The following RYR2 variants were observed in gnomAD, a reference collection of about 807,000 sequenced individuals.
RYR2 encodes the protein cardiac muscle ryanodine receptor-calcium release channel.
In RYR2, 227 loss-of-function variants were observed where a neutral mutation model predicts 601.1. That is an observed-to-expected ratio of 0.38 (90% confidence interval 0.34 to 0.42). RYR2 has a LOEUF of 0.42. RYR2 is among the 10% of genes least tolerant of loss of function. RYR2 has a pLI of 1.00. For missense variants in RYR2, 4,646 were observed against 6,156.5 expected, an observed-to-expected ratio of 0.75 and a Z score of 8.21; for synonymous variants, 2,223 against 2,175.1, an observed-to-expected ratio of 1.02 and a Z score of -0.61.
At chr1:237,514,856 A>T (rs943861320) in intron 24 of RYR2, among the ~76,000 whole-genome samples, 3 of 152,222 alleles carry the variant, frequency 2.0e-5, no homozygotes, top group Non-Finnish European at 2.9e-5. Flanking sequence ...TAAAGGCTTT[A>T]ACACCATATG....
intron 1 of RYR2, among the ~76,000 whole-genome samples, chr1:237,255,710 G>A (rs1284076291): frequency 1.3e-5 from 2 of 152,098 alleles, no homozygotes; most frequent in Non-Finnish European, 2.9e-5. Context: ...GATTTTCCAT[G>A]TGATCATATG....
Position 237,634,975 on chromosome 1 carries a change from G to T in RYR2, c.6775G>T (p.Glu2259Ter). The T allele has an allele frequency of 6.3e-7, 1 of 1,598,008 alleles. No individual in the cohort carries two copies. The highest frequency in any genetic ancestry group is 8.5e-7 in the Non-Finnish European group (1 of 1,171,540). The change falls in exon 44 of 105, where the codon GAG (glutamate) becomes TAG (stop). Residue 2259 changes from glutamate to a stop codon, truncating the protein, a stop_gained. Transcript: ENST00000366574. LOFTEE classifies it high-confidence loss of function. ...DNNELALALR[E>*]PDLEKVVRYL... Reference sequence around the variant, plus strand: ...TAATGAACTAGCATTAGCTCTGCGTGAGCCGGATCTAGAAAAGGTGAGCAA... The same window carrying T: ...TAATGAACTAGCATTAGCTCTGCGTTAGCCGGATCTAGAAAAGGTGAGCAA...
intron 17 of RYR2, among the ~76,000 whole-genome samples, chr1:237,478,580 G>A (rs1385448861): frequency 2.0e-5 from 3 of 152,196 alleles, no homozygotes; most frequent in Non-Finnish European, 4.4e-5. Flanking sequence ...AGATGGAAAC[G>A]CATAATAATA....
intron 48 of RYR2, among the ~76,000 whole-genome samples, chr1:237,644,520 C>T (rs532275446): frequency 1.1e-4 from 17 of 152,306 alleles, no homozygotes; most frequent in Admixed American, 1.0e-3. Flanking sequence ...GCATGAGGCA[C>T]TGCTCCTAGC....
intron 1 of RYR2, among the ~76,000 whole-genome samples, chr1:237,131,382 T>A (rs147428279): frequency 6.6e-6 from 1 of 152,156 alleles, no homozygotes; most frequent in African/African-American, 2.4e-5. Flanking sequence ...TAAAACATCA[T>A]GAGATAAACA....
intron 2 of RYR2, among the ~76,000 whole-genome samples, chr1:237,312,266 C>T (rs1468455714): frequency 6.6e-6 from 1 of 152,190 alleles, no homozygotes; most frequent in Non-Finnish European, 1.5e-5. Context: ...ACAAAACTAG[C>T]TCCTTCCGTG....
intron 1 of RYR2, among the ~76,000 whole-genome samples, chr1:237,094,681 T>C (rs1667327160): frequency 6.6e-6 from 1 of 152,180 alleles, no homozygotes; most frequent in African/African-American, 2.4e-5. Context: ...AAGCTCCACC[T>C]CCTGGGTTCA....
In RYR2 at chr1:237,314,169, A is replaced by G. The variant is rs559235700; in HGVS notation, c.169-16709A>G. ...AAGCTCCACCTCCAGGGTTCACACC[A>G]TTCTCCTGCCTCAGCCTCCCGAGTA... On this transcript the variant is annotated intron_variant, in intron 2 of 104. Transcript: ENST00000366574. Among the ~76,000 whole-genome samples the G allele has an allele frequency of 1.5e-4, 22 of 145,120 alleles. 1 individual carries two copies. In the East Asian group the frequency reaches 4.6e-3, roughly 30 times the overall value.
chr1:237,481,100 A>ATATATATATATGTATATATATATATATG (rs1286686565), intron 17 of RYR2, among the ~76,000 whole-genome samples: 1 of 118,816 alleles, frequency 8.4e-6, no homozygotes, highest in East Asian at 2.1e-4. Flanking sequence ...TTTTAAGTGT[A>ATATATATATATGTATATATATATATATG]TATATACATA....
intron 1 of RYR2, among the ~76,000 whole-genome samples, chr1:237,231,390 G>T (rs1397331321): frequency 6.6e-6 from 1 of 150,756 alleles, no homozygotes; most frequent in Non-Finnish European, 1.5e-5. Context: ...TGAATTCCTG[G>T]GCTTAAGCGA....
chr1:237,171,321 T>C (rs1035699300), intron 1 of RYR2, among the ~76,000 whole-genome samples: 1 of 152,112 alleles, frequency 6.6e-6, no homozygotes, highest in East Asian at 1.9e-4. Context: ...CCTTTTGACA[T>C]GTAGTAGTTG....
rs764084155 is a variant in RYR2, at chr1:237,709,526, C to T, written c.10189C>T (p.Arg3397Cys). The change falls in exon 70 of 105, where the codon CGC becomes TGC. Residue 3397 changes from arginine to cysteine, a missense_variant. By Grantham distance (180) the Arg-to-Cys change is radical. Transcript: ENST00000366574. Reference sequence around the variant, plus strand: ...TAACCCAGAAGCAGAGGAGCTCTTCCGCATGGTGGCTGAAGTGTTTATCTA... The same window carrying T: ...TAACCCAGAAGCAGAGGAGCTCTTCTGCATGGTGGCTGAAGTGTTTATCTA... ...EPNPEAEELF[R>C]MVAEVFIYWS... 9.9e-6 allele frequency: 16 copies of T among 1,611,738 alleles called. No individual in the cohort carries two copies. The highest frequency in any genetic ancestry group is 4.4e-5 in the South Asian group (4 of 90,558).
intron 1 of RYR2, among the ~76,000 whole-genome samples, chr1:237,232,876 T>G (rs1459026816): frequency 6.6e-6 from 1 of 152,114 alleles, no homozygotes; most frequent in African/African-American, 2.4e-5. Context: ...TAATGATTTG[T>G]GTGGTATCAG....
At chr1:237,595,882 A>T (rs568563228) in intron 34 of RYR2, among the ~76,000 whole-genome samples, 1 of 152,254 alleles carries the variant, frequency 6.6e-6, no homozygotes, top group South Asian at 2.1e-4. Flanking sequence ...ACAAAGCTGC[A>T]CAATCACCAC....
At chr1:237,058,170 T>C (rs2148214434) in intron 1 of RYR2, among the ~76,000 whole-genome samples, 1 of 152,318 alleles carries the variant, frequency 6.6e-6, no homozygotes, top group Middle Eastern at 3.4e-3. Context: ...TTATGTATAC[T>C]ATTAAGCAAA....
At chr1:237,107,519 C>CAAGAAAAAAAAA (rs766157271) in intron 1 of RYR2, among the ~76,000 whole-genome samples, 1 of 38,900 alleles carries the variant, frequency 2.6e-5, no homozygotes, top group Non-Finnish European at 5.2e-5. Flanking sequence ...GACTCCATCT[C>CAAGAAAAAAAAA]AAAAAAAAAA....
Position 237,312,916 on chromosome 1 carries a change from C to T in RYR2, c.169-17962C>T, listed in dbSNP as rs12089157. ...ATACATTTTTGTAATCTTTCTTTTT[C>T]GGCCTTTGAAGACCATTAAAACAAA... On this transcript the variant is annotated intron_variant, in intron 2 of 104. Transcript: ENST00000366574. Among the ~76,000 whole-genome samples the T allele has an allele frequency of 8.2e-3, 1,246 of 152,056 alleles. 17 individuals carry two copies. The highest frequency in any genetic ancestry group is 0.028 in the African/African-American group (1,164 of 41,504).
intron 25 of RYR2, among the ~76,000 whole-genome samples, chr1:237,537,067 G>T (rs1161286159): frequency 6.6e-6 from 1 of 152,104 alleles, no homozygotes; most frequent in Non-Finnish European, 1.5e-5. Context: ...AAATCACAAT[G>T]AAAAGCTATT....
chr1:237,467,638 G>A (rs1158542438), intron 16 of RYR2, among the ~76,000 whole-genome samples: 1 of 152,164 alleles, frequency 6.6e-6, no homozygotes, highest in East Asian at 1.9e-4. Flanking sequence ...TTCTCATGAA[G>A]TTGGCGTCTT....
Sources: gnomAD v4.1 joint callset for allele counts (sites outside exome capture counted in the v4.1 genomes callset) on GRCh38, gnomAD v4.1.1 for gene constraint, MANE v1.5 for transcripts, NCBI Gene and HGNC (gene_info 2026-07-23, HGNC 2026-07-21) for gene names.